The following ADAMTS16 variants were observed in gnomAD, a reference collection of about 807,000 sequenced individuals.
ADAMTS16 encodes A disintegrin and metalloproteinase with thrombospondin motifs 16.
In ADAMTS16, 94 loss-of-function variants were observed where a neutral mutation model predicts 145.8. The observed-to-expected ratio is 0.64, with a 90% confidence interval of 0.55 to 0.77. The LOEUF (loss-of-function observed/expected upper bound fraction) is 0.77. ADAMTS16 is among the 30% of genes least tolerant of loss of function. The pLI, the probability that ADAMTS16 is intolerant of heterozygous loss-of-function variation, is 0.00. For missense variants in ADAMTS16, 1,585 were observed against 1,591.5 expected, an observed-to-expected ratio of 1.00 and a Z score of 0.07; for synonymous variants, 659 against 604.3, an observed-to-expected ratio of 1.09 and a Z score of -1.33.
At position 5,166,294 on chromosome 5, in the gene ADAMTS16, C is replaced by A. The variant is rs886664113; in HGVS notation, c.502-15750C>A. ...ACATACATACACACACACACACATG[C>A]ACACACACGGAGCTCATGCCCTGAA... On this transcript the variant is annotated intron_variant, in intron 3 of 22. Coordinates refer to ENST00000274181, the MANE Select transcript of ADAMTS16 (RefSeq NM_139056.4). Among the ~76,000 whole-genome samples, 67 of 152,050 alleles carry A rather than the reference C, an allele frequency of 4.4e-4. 1 individual carries two copies. The highest frequency in any genetic ancestry group is 3.9e-3 in the Admixed American group (60 of 15,256).
At chr5:5,240,672 C>T (rs1413517831) in intron 16 of ADAMTS16, among the ~76,000 whole-genome samples, 3 of 152,108 alleles carry the variant, frequency 2.0e-5, no homozygotes, top group South Asian at 2.1e-4. Flanking sequence ...TGGGACAGGC[C>T]GCCCTATCCC....
chr5:5,315,002 G>A (rs992806560), intron 21 of ADAMTS16, among the ~76,000 whole-genome samples: 4 of 152,230 alleles, frequency 2.6e-5, no homozygotes, highest in African/African-American at 7.2e-5. Flanking sequence ...TTCTCACGCT[G>A]CTAATGAAGA....
chr5:5,185,666 C>T (rs1212879416), intron 4 of ADAMTS16, among the ~76,000 whole-genome samples: 1 of 152,174 alleles, frequency 6.6e-6, no homozygotes, highest in Non-Finnish European at 1.5e-5. Flanking sequence ...CCAGCCAGCT[C>T]GTGTTCTTGT....
At chr5:5,197,840 T>C (rs979267923) in intron 8 of ADAMTS16, among the ~76,000 whole-genome samples, 1 of 152,148 alleles carries the variant, frequency 6.6e-6, no homozygotes, top group Admixed American at 6.5e-5. Flanking sequence ...TGTGAAATAG[T>C]GGTGCTGAGA....
At chr5:5,251,856 C>CT (rs1400591843) in intron 17 of ADAMTS16, among the ~76,000 whole-genome samples, 8 of 151,476 alleles carry the variant, frequency 5.3e-5, no homozygotes, top group Admixed American at 2.0e-4. Context: ...GTACTCGGTG[C>CT]TTTTTTTTTC....
intron 11 of ADAMTS16, among the ~76,000 whole-genome samples, chr5:5,230,481 G>A (rs115277787): frequency 6.6e-6 from 1 of 152,150 alleles, no homozygotes; most frequent in South Asian, 2.1e-4. Context: ...GAGCTTCGAA[G>A]AAATGATTTC....
chr5:5,242,251 A>T, intron 17 of ADAMTS16, 60 bp downstream of exon 17: 2 of 1,591,122 alleles, frequency 1.3e-6, no homozygotes, highest in Non-Finnish European at 1.7e-6. Flanking sequence ...CACTGCGTAC[A>T]TTGCACTGGC....
At position 5,142,556 on chromosome 5, in the gene ADAMTS16, T is replaced by C. The variant is rs988819924; in HGVS notation, c.175+1790T>C. ...AGATCCTCCTCAACAGTGTTGCCTG[T>C]TTCCCTCTGACCTGGAGCAGAAGAG... On this transcript the variant is annotated intron_variant, in intron 2 of 22. Transcript: ENST00000274181. 3.3e-5 allele frequency among the ~76,000 whole-genome samples: 5 copies of C among 152,244 alleles called. No homozygotes were observed. In the East Asian group the frequency reaches 9.6e-4, roughly 29 times the overall value.
Position 5,200,107 on chromosome 5 carries a change from ATCTCTCTCTCTC to A in ADAMTS16, c.1314-16_1314-5del. 1 of 1,447,260 alleles carries A rather than the reference ATCTCTCTCTCTC, an allele frequency of 6.9e-7. No individual in the cohort carries two copies. Among genetic ancestry groups the A allele is most frequent in the Non-Finnish European group, 9.4e-7 (1 of 1,069,236 alleles). 89.7% of individuals were successfully genotyped at this position (1,447,260 alleles called of 1,614,324 possible). A position where few individuals can be genotyped will look rare whatever the true frequency, so the allele number is the denominator to read the frequency against. ...AAACTGTTTTTGTTCTGAAAGAACC[ATCTCTCTCTCTC>A]TCTCTCTCATAGCTTTGGCATGATT... On this transcript the variant is annotated splice_polypyrimidine_tract_variant and intron_variant, in intron 8 of 22. Transcript: ENST00000274181.
At chr5:5,165,893 C>T (rs767549102) in intron 3 of ADAMTS16, among the ~76,000 whole-genome samples, 6 of 152,152 alleles carry the variant, frequency 3.9e-5, no homozygotes, top group African/African-American at 1.2e-4. Flanking sequence ...TCTCTCACCC[C>T]GCCTGCCAGT....
intron 14 of ADAMTS16, among the ~76,000 whole-genome samples, chr5:5,237,717 C>T (rs573380353): frequency 9.9e-4 from 150 of 152,146 alleles, no homozygotes; most frequent in African/African-American, 3.3e-3. Flanking sequence ...TGGGCCACTT[C>T]GCAGCTCGGA....
At chr5:5,211,771 A>G (rs1308982471) in intron 10 of ADAMTS16, among the ~76,000 whole-genome samples, 1 of 152,144 alleles carries the variant, frequency 6.6e-6, no homozygotes, top group East Asian at 1.9e-4. Context: ...AAGCAAAAAT[A>G]TTTTCTAATT....
intron 3 of ADAMTS16, among the ~76,000 whole-genome samples, chr5:5,168,991 G>C (rs951900707): frequency 3.3e-5 from 5 of 151,426 alleles, no homozygotes; most frequent in African/African-American, 1.2e-4. Flanking sequence ...GTAGTGTTAC[G>C]TATCCTACCT....
At chr5:5,223,004 C>T in intron 11 of ADAMTS16, 120 bp downstream of exon 11, 1 of 729,856 alleles carries the variant, frequency 1.4e-6, no homozygotes, top group Non-Finnish European at 2.3e-6. Flanking sequence ...ATATGCATAC[C>T]CATGCTCCTA....
chr5:5,270,374 C>T (rs1434420697), intron 18 of ADAMTS16, among the ~76,000 whole-genome samples: 2 of 152,150 alleles, frequency 1.3e-5, no homozygotes, highest in South Asian at 2.1e-4. Context: ...AAGGTGCAGC[C>T]GTGACACTGC....
chr5:5,239,129 T>A (rs752449017), intron 14 of ADAMTS16, 22 bp from the exon 15 acceptor site: 1 of 1,494,014 alleles, frequency 6.7e-7, no homozygotes, highest in South Asian at 1.4e-5. Flanking sequence ...ATGAATGACA[T>A]GTGACCTCAT....
chr5:5,158,546 G>C (rs1015059551), intron 3 of ADAMTS16, among the ~76,000 whole-genome samples: 2 of 152,100 alleles, frequency 1.3e-5, no homozygotes, highest in African/African-American at 4.8e-5. Context: ...TGAGGCCCTG[G>C]GAGCATATCT....
intron 3 of ADAMTS16, among the ~76,000 whole-genome samples, chr5:5,179,242 G>A (rs917753106): frequency 2.0e-5 from 3 of 151,212 alleles, no homozygotes; most frequent in Non-Finnish European, 4.4e-5. Context: ...TGCAGTGTCC[G>A]ACTCACCCGG....
At chr5:5,204,743 A>G (rs190071952) in intron 9 of ADAMTS16, among the ~76,000 whole-genome samples, 2 of 152,356 alleles carry the variant, frequency 1.3e-5, no homozygotes, top group East Asian at 3.9e-4. Context: ...CACTGTGAAT[A>G]TTCTCTTGGT....
Sources: gnomAD v4.1 joint callset for allele counts (sites outside exome capture counted in the v4.1 genomes callset) on GRCh38, gnomAD v4.1.1 for gene constraint, MANE v1.5 for transcripts, NCBI Gene and HGNC (gene_info 2026-07-23, HGNC 2026-07-21) for gene names.